Variants in ARHGEF12 observed in about 807,000 individuals in gnomAD.
The protein encoded by ARHGEF12 is KMT2A/ARHGEF12 fusion protein.
A neutral mutation model predicts 211.2 loss-of-function variants in ARHGEF12; 66 were observed. The ratio of observed to expected loss-of-function variants is 0.31; its 90% CI spans 0.26 to 0.38. The LOEUF is 0.38. Ranked by LOEUF, ARHGEF12 falls within the 10% of genes least tolerant of loss-of-function variation. The pLI is 1.00. For synonymous variants in ARHGEF12, 592 were observed against 638.4 expected (o/e 0.93, Z 1.09); for missense variants, 1,429 against 1,869.5 (o/e 0.76, Z 4.34).
chr11:120,363,297 G>A (rs747612405), intron 1 of ARHGEF12, among the ~76,000 whole-genome samples: 16 of 152,320 alleles, frequency 1.1e-4, no homozygotes, highest in Middle Eastern at 3.4e-3. Context: ...TTGGCACTGC[G>A]TGGATAAAGG....
chr11:120,437,191 TTAG>T (rs1252600237), intron 11 of ARHGEF12, 114 bp from the exon 12 acceptor site: 1 of 615,002 alleles, frequency 1.6e-6, no homozygotes, highest in Non-Finnish European at 2.7e-6. Context: ...CGAAAGATAT[TTAG>T]TAGTTGTAAA....
rs1178759395 is a variant in ARHGEF12, at chr11:120,442,175, T to C, written c.1275T>C (p.Phe425=). ...AAACTCGTCGCATCTTCCTTGAGTT[T>C]CATCAGTTCTTTCTAGATCGATCAG... ...SKETRRIFLE[F]HQFFLDRSAH... The change falls in exon 15 of 41, where the codon TTT becomes TTC. Residue 425 remains phenylalanine (F), a synonymous_variant. Coordinates refer to ENST00000397843, the MANE Select transcript of ARHGEF12 (RefSeq NM_015313.3). 6.2e-7 allele frequency: 1 copy of C among 1,610,404 alleles called. No homozygotes were observed. The highest frequency in any genetic ancestry group is 1.3e-5 in the African/African-American group (1 of 74,844).
At chr11:120,348,945 C>G (rs1009782857) in intron 1 of ARHGEF12, among the ~76,000 whole-genome samples, 12 of 152,212 alleles carry the variant, frequency 7.9e-5, no homozygotes, top group African/African-American at 2.9e-4. Context: ...CCCAAGATAT[C>G]TTACTATGTA....
At position 120,487,759 on chromosome 11, in the gene ARHGEF12, GTT is replaced by G. The variant is rs1256891062; in HGVS notation, c.*2683_*2684del. ...TGTGCTCTCTTCTGTGGGCTTAATG[GTT>G]CCTTTGCTATGAAGTGGCAAATTAC... is the stretch of plus-strand genomic sequence containing the variant. On this transcript the variant is annotated 3_prime_UTR_variant, in exon 41 of 41. Transcript: ENST00000397843. 470 of 222,078 alleles carry G rather than the reference GTT, an allele frequency of 2.1e-3. 1 individual carries two copies. Among genetic ancestry groups the G allele is most frequent in the African/African-American group, 9.9e-3 (443 of 44,764 alleles). The allele number at this position is 222,078 out of a possible 1,614,324, so 13.8% of individuals were successfully genotyped here.
intron 40 of ARHGEF12, 84 bp from the exon 41 acceptor site, chr11:120,484,983 G>A (rs1947362216): frequency 1.3e-5 from 18 of 1,410,908 alleles, no homozygotes; most frequent in East Asian, 2.4e-5. Context: ...ATTGAACCAC[G>A]CCCACAGATG....
At position 120,475,327 on chromosome 11, in the gene ARHGEF12, C is replaced by CT. The variant is rs201281081; in HGVS notation, c.3110-9dup. On this transcript the variant is annotated splice_polypyrimidine_tract_variant and intron_variant, in intron 32 of 40. Transcript: ENST00000397843. ...TCTGTACTTACCATTTTTTTCTGCA[C>CT]TTTTATTTCTAGATTTATACACGTT... is the stretch of plus-strand genomic sequence containing the variant. 1.9e-6 allele frequency: 3 copies of CT among 1,609,656 alleles called. No homozygotes were observed. The highest frequency in any genetic ancestry group is 1.7e-5 in the Admixed American group (1 of 59,442).
At chr11:120,350,712 G>T (rs114809842) in intron 1 of ARHGEF12, among the ~76,000 whole-genome samples, 1 of 152,082 alleles carries the variant, frequency 6.6e-6, no homozygotes, top group Admixed American at 6.5e-5. Flanking sequence ...AAATGGAAAA[G>T]ACATTGGTGT....
chr11:120,460,721 T>C lies in ARHGEF12; in HGVS notation c.2577T>C (p.Ser859=), dbSNP rs1160591938. The change falls in exon 27 of 41, where the codon TCT becomes TCC. Residue 859 remains serine (S), a synonymous_variant. Coordinates refer to ENST00000397843, the MANE Select transcript of ARHGEF12 (RefSeq NM_015313.3). Reference sequence around the variant, plus strand: ...CTGTTCGAAAGAGAAATGAGACCTCTGTTATCGATCAGATTGGGGAAGATT... The same window carrying C: ...CTGTTCGAAAGAGAAATGAGACCTCCGTTATCGATCAGATTGGGGAAGATT... ...MKAVRKRNET[S]VIDQIGEDLL... is the part of the protein sequence containing the mutation. 6.2e-7 allele frequency: 1 copy of C among 1,613,984 alleles called. No homozygotes were observed. The highest frequency in any genetic ancestry group is 8.5e-7 in the Non-Finnish European group (1 of 1,179,938).
At chr11:120,351,439 ATATATATATATATATATTTTTTTT>A (rs1416196495) in intron 1 of ARHGEF12, among the ~76,000 whole-genome samples, 1 of 4,126 alleles carries the variant, frequency 2.4e-4, no homozygotes, top group African/African-American at 1.8e-3. Flanking sequence ...ATATATATAT[ATATATATATATATATATTTTTTTT>A]TTTTTTTTTT....
intron 27 of ARHGEF12, chr11:120,464,945 G>A: frequency 4.0e-6 from 1 of 250,382 alleles, no homozygotes; most frequent in East Asian, 8.3e-5. Context: ...GGCAGAAGTT[G>A]CAGTGAGCCA....
At chr11:120,443,131 C>G (rs764932013) in intron 15 of ARHGEF12, among the ~76,000 whole-genome samples, 4 of 151,644 alleles carry the variant, frequency 2.6e-5, no homozygotes, top group Non-Finnish European at 4.4e-5. Context: ...AAGTGATCCT[C>G]CTGCCTCAGC....
At chr11:120,477,777 G>A (rs1947094019) in intron 36 of ARHGEF12, 1 of 371,448 alleles carries the variant, frequency 2.7e-6, no homozygotes, top group Non-Finnish European at 4.7e-6. Context: ...GAGGCAGGGA[G>A]AATTGCTTGA....
In ARHGEF12 at chr11:120,465,342, C is replaced by G; in HGVS notation, c.2719C>G (p.Arg907Gly). ...MIKSRQKKDS[R>G]FQTFVQDAES... Reference sequence around the variant, plus strand: ...CAAATCTCGTCAGAAAAAGGATTCTCGATTTCAGACTTTTGTGCAAGTGAG... The same window carrying G: ...CAAATCTCGTCAGAAAAAGGATTCTGGATTTCAGACTTTTGTGCAAGTGAG... The change falls in exon 28 of 41, where the codon CGA (arginine) becomes GGA (glycine). Residue 907 changes from arginine to glycine, a missense_variant. This residue lies in a region of ARHGEF12 where 223 missense variants were observed against 444.6 expected (regional missense o/e 0.50). Coordinates refer to ENST00000397843, the MANE Select transcript of ARHGEF12 (RefSeq NM_015313.3). 1 of 1,613,896 alleles carries G rather than the reference C, an allele frequency of 6.2e-7. No homozygotes were observed. The highest frequency in any genetic ancestry group is 8.5e-7 in the Non-Finnish European group (1 of 1,179,978).
In ARHGEF12 at chr11:120,451,665, T is replaced by C; in HGVS notation, c.1997T>C (p.Met666Thr). ...TDAGYLPANS[M>T]SSVASGASFS... ...GCTGGATACCTGCCTGCCAATTCCATGTCTTCTGTAGCTTCAGGGGCCTCT... is the reference window on the plus strand; with the variant it reads ...GCTGGATACCTGCCTGCCAATTCCACGTCTTCTGTAGCTTCAGGGGCCTCT... Residue 666 changes from methionine (M) to threonine (T), a missense_variant, in exon 22 of 41, where the codon ATG becomes ACG. This residue lies in a region of ARHGEF12 where 373 missense variants were observed against 467.5 expected (regional missense o/e 0.80). Transcript: ENST00000397843. 1 of 1,614,056 alleles carries C rather than the reference T, an allele frequency of 6.2e-7. No homozygotes were observed. The highest frequency in any genetic ancestry group is 8.5e-7 in the Non-Finnish European group (1 of 1,180,000).
chr11:120,421,422 C>T (rs1372137801), intron 5 of ARHGEF12, among the ~76,000 whole-genome samples: 1 of 140,364 alleles, frequency 7.1e-6, no homozygotes, highest in Non-Finnish European at 1.5e-5. Flanking sequence ...TCTGACTTTA[C>T]AGCCTTGTTT....
intron 1 of ARHGEF12, among the ~76,000 whole-genome samples, chr11:120,356,368 G>T (rs1591494415): frequency 6.6e-6 from 1 of 152,260 alleles, no homozygotes; most frequent in East Asian, 1.9e-4. Flanking sequence ...TTACAGGTGT[G>T]CGCCACCACA....
At chr11:120,338,576 TTAAGA>T (rs751581542) in intron 1 of ARHGEF12, among the ~76,000 whole-genome samples, 4 of 152,230 alleles carry the variant, frequency 2.6e-5, no homozygotes, top group Middle Eastern at 3.2e-3. Flanking sequence ...AAGAATACAC[TTAAGA>T]TAAGTATTGA....
intron 9 of ARHGEF12, 49 bp from the exon 10 acceptor site, chr11:120,429,663 C>T (rs1041693282): frequency 1.0e-5 from 16 of 1,581,526 alleles, no homozygotes; most frequent in Non-Finnish European, 1.3e-5. Context: ...ATTTCTGTAT[C>T]TTTTTTACAT....
chr11:120,349,298 AAAGT>A (rs1942862685), intron 1 of ARHGEF12, among the ~76,000 whole-genome samples: 2 of 152,210 alleles, frequency 1.3e-5, no homozygotes, highest in Non-Finnish European at 1.5e-5. Context: ...CCAAAAATAG[AAAGT>A]AAGTCAAATA....
Sources: gnomAD v4.1 joint callset for allele counts (sites outside exome capture counted in the v4.1 genomes callset) on GRCh38, gnomAD v4.1.1 for gene constraint, gnomAD v4.1.1 regional missense constraint, MANE v1.5 for transcripts, NCBI Gene and HGNC (gene_info 2026-07-23, HGNC 2026-07-21) for gene names.